The following GRIN2A variants were observed in gnomAD, a reference collection of about 807,000 sequenced individuals.
GRIN2A encodes the protein glutamate ionotropic receptor NMDA type subunit 2A, also known as glutamate receptor ionotropic, NMDA 2A.
A neutral mutation model predicts 113.4 loss-of-function variants in GRIN2A; 22 were observed. The observed-to-expected ratio is 0.19, with a 90% CI of 0.14 to 0.28. The LOEUF (loss-of-function observed/expected upper bound fraction) is 0.28, where lower values mean the gene tolerates loss of function less well. Ranked by LOEUF, GRIN2A falls within the 10% of genes least tolerant of loss-of-function variation. GRIN2A has a pLI of 1.00. For missense variants in GRIN2A, 1,502 were observed against 1,887.0 expected (o/e 0.80, Z 3.78); for synonymous variants, 827 against 738.4 (o/e 1.12, Z -1.94).
intron 2 of GRIN2A, among the ~76,000 whole-genome samples, chr16:10,035,989 G>A (rs1850436129): frequency 6.6e-6 from 1 of 152,178 alleles, no homozygotes; most frequent in Non-Finnish European, 1.5e-5. Context: ...CTCCCAAAGT[G>A]GTGGGATTAC....
intron 2 of GRIN2A, among the ~76,000 whole-genome samples, chr16:9,949,147 AATCGTCACCAGGT>A (rs1367859604): frequency 1.5e-4 from 23 of 152,178 alleles, no homozygotes; most frequent in Admixed American, 7.2e-4. Flanking sequence ...CTCTATTGTC[AATCGTCACCAGGT>A]ATTTTAGGTG....
chr16:10,053,308 G>T (rs1266815195), intron 2 of GRIN2A, among the ~76,000 whole-genome samples: 1 of 152,174 alleles, frequency 6.6e-6, no homozygotes, highest in African/African-American at 2.4e-5. Flanking sequence ...TAAATGTCAG[G>T]CTAAAAGGAA....
At chr16:10,093,842 C>T (rs901321657) in intron 2 of GRIN2A, among the ~76,000 whole-genome samples, 6 of 152,098 alleles carry the variant, frequency 3.9e-5, no homozygotes, top group Non-Finnish European at 8.8e-5. Context: ...TTGGCTTTTG[C>T]CCAGGGTGTC....
intron 11 of GRIN2A, among the ~76,000 whole-genome samples, chr16:9,770,223 C>CAAGG (rs35401628): frequency 0.8 from 121,698 of 151,588 alleles, 49,321 homozygotes; most frequent in Middle Eastern, 0.89. Context: ...CAGTAAAAAT[C>CAAGG]AAGATGTGTA....
intron 2 of GRIN2A, among the ~76,000 whole-genome samples, chr16:10,035,403 C>T (rs2047006424): frequency 6.6e-6 from 1 of 152,138 alleles, no homozygotes; most frequent in Non-Finnish European, 1.5e-5. Context: ...CTGTACTGCT[C>T]CTCTGAAGAA....
chr16:10,119,277 G>T (rs1350778779), intron 2 of GRIN2A, among the ~76,000 whole-genome samples: 2 of 151,818 alleles, frequency 1.3e-5, no homozygotes, highest in African/African-American at 4.8e-5. Context: ...GGAACCTCAG[G>T]TTAGATCCTC....
intron 8 of GRIN2A, among the ~76,000 whole-genome samples, chr16:9,832,738 C>G (rs1199633313): frequency 6.6e-6 from 1 of 152,138 alleles, no homozygotes; most frequent in Non-Finnish European, 1.5e-5. Context: ...CAGATTCCAC[C>G]CTGTTGGAAA....
rs1290293315 is a variant in GRIN2A, at chr16:10,090,714, C to T, written c.414+89284G>A. Among the ~76,000 whole-genome samples the T allele has an allele frequency of 2.6e-5, 4 of 152,036 alleles. No individual in the cohort carries two copies. The East Asian group carries it at 7.7e-4, about 29-fold the overall frequency. On this transcript the variant is annotated intron_variant, in intron 2 of 12. Coordinates refer to ENST00000330684, the MANE Select transcript of GRIN2A (RefSeq NM_001134407.3). ...AATTCATCTCCATTAAAATTTAAAA[C>T]TTTTGCACTCCAAAGACACCATTAA...
rs1900519736 is a variant in GRIN2A at position 9,760,188 on chromosome 16, G to A, written c.*2961C>T. ...GGGATATGTTACGGGAATCTTCTGTGATAGATCTATAGTCTCAGGCTTCCA... is the reference window on the plus strand; with the variant it reads ...GGGATATGTTACGGGAATCTTCTGTAATAGATCTATAGTCTCAGGCTTCCA... On this transcript the variant is annotated 3_prime_UTR_variant, in exon 13 of 13. Transcript: ENST00000330684. 1 of 226,852 alleles carries A rather than the reference G, an allele frequency of 4.4e-6. No individual in the cohort carries two copies. Among genetic ancestry groups the A allele is most frequent in the East Asian group, 6.3e-5 (1 of 15,768 alleles). The allele number at this position is 226,852 out of a possible 1,614,324, so 14.1% of individuals were successfully genotyped here.
chr16:9,950,844 C>T (rs1186607270), intron 2 of GRIN2A, among the ~76,000 whole-genome samples: 1 of 152,202 alleles, frequency 6.6e-6, no homozygotes, highest in African/African-American at 2.4e-5. Flanking sequence ...CTTCATAGAT[C>T]AGATGAGCTC....
chr16:10,075,097 C>A (rs752730472), intron 2 of GRIN2A, among the ~76,000 whole-genome samples: 33 of 152,186 alleles, frequency 2.2e-4, no homozygotes, highest in Non-Finnish European at 4.1e-4. Context: ...AAATCTCAGC[C>A]CTGAACTTGC....
intron 5 of GRIN2A, among the ~76,000 whole-genome samples, chr16:9,844,792 T>C (rs765546121): frequency 1.3e-4 from 20 of 152,274 alleles, no homozygotes; most frequent in Middle Eastern, 3.4e-3. Context: ...GGGAGCTTAA[T>C]TGACAGCATG....
rs1177670110 is a variant in GRIN2A at position 9,756,244 on chromosome 16, G to A, written c.*6905C>T. Reference sequence around the variant, plus strand: ...GAGACATTAGGAAAGAGATATTTAAGATTAGGCACATGCTAAGTAGAGAAA... The same window carrying A: ...GAGACATTAGGAAAGAGATATTTAAAATTAGGCACATGCTAAGTAGAGAAA... On this transcript the variant is annotated 3_prime_UTR_variant, in exon 13 of 13. Coordinates refer to ENST00000330684, the MANE Select transcript of GRIN2A (RefSeq NM_001134407.3). The A allele has an allele frequency of 4.4e-6, 1 of 227,456 alleles. No individual in the cohort carries two copies. The highest frequency in any genetic ancestry group is 5.7e-5 in the Admixed American group (1 of 17,570). 14.1% of individuals were successfully genotyped at this position (227,456 alleles called of 1,614,324 possible).
At chr16:9,834,637 C>G (rs2042556536) in intron 7 of GRIN2A, among the ~76,000 whole-genome samples, 1 of 152,196 alleles carries the variant, frequency 6.6e-6, no homozygotes, top group South Asian at 2.1e-4. Flanking sequence ...CCACCTCGGC[C>G]TCCCAAAGTG....
At chr16:9,917,331 G>C (rs758053867) in intron 3 of GRIN2A, among the ~76,000 whole-genome samples, 3 of 152,180 alleles carry the variant, frequency 2.0e-5, no homozygotes, top group Non-Finnish European at 4.4e-5. Context: ...CAGGGGTCAT[G>C]CTCTGTTGTT....
At chr16:9,882,376 A>C (rs1183958247) in intron 4 of GRIN2A, among the ~76,000 whole-genome samples, 1 of 152,184 alleles carries the variant, frequency 6.6e-6, no homozygotes, top group South Asian at 2.1e-4. Context: ...CTCCTTTATC[A>C]TATCTGTACT....
chr16:10,088,748 C>A (rs2048129404), intron 2 of GRIN2A, among the ~76,000 whole-genome samples: 1 of 152,196 alleles, frequency 6.6e-6, no homozygotes, highest in Non-Finnish European at 1.5e-5. Flanking sequence ...TTTCCTCTCT[C>A]CAGAGTCAGC....
chr16:9,920,753 A>ATGGGGTTT (rs1209347984), intron 3 of GRIN2A, among the ~76,000 whole-genome samples: 2 of 151,978 alleles, frequency 1.3e-5, no homozygotes, highest in African/African-American at 4.8e-5. Context: ...ATTTTAGTAG[A>ATGGGGTTT]TGGGGTTTCA....
intron 2 of GRIN2A, among the ~76,000 whole-genome samples, chr16:9,993,381 C>G (rs1437748188): frequency 6.6e-6 from 1 of 152,006 alleles, no homozygotes; most frequent in African/African-American, 2.4e-5. Flanking sequence ...GAAACCCCAT[C>G]TCTACAAAAA....
Sources: allele counts gnomAD v4.1 joint callset (sites outside exome capture counted in the v4.1 genomes callset), GRCh38; gene constraint gnomAD v4.1.1; transcripts MANE v1.5; gene names NCBI Gene and HGNC (gene_info 2026-07-23, HGNC 2026-07-21).